The following GLIS3 variants were observed in gnomAD, a reference collection of about 807,000 sequenced individuals.
GLIS3 encodes GLIS family zinc finger 3.
A neutral mutation model predicts 78.6 loss-of-function variants in GLIS3; 53 were observed. The ratio of observed to expected loss-of-function variants is 0.67; its 90% CI spans 0.54 to 0.85. GLIS3 has a LOEUF of 0.85. Among genes scored for constraint, GLIS3 ranks in the 40% least tolerant of loss-of-function variants. The pLI is 0.00. For missense variants in GLIS3, 1,703 were observed against 1,231.1 expected, an observed-to-expected ratio of 1.38 and a Z score of -5.74; for synonymous variants, 684 against 509.9, an observed-to-expected ratio of 1.34 and a Z score of -4.60.
At chr9:4,400,058 C>A in the GLIS3 span, among the ~76,000 whole-genome samples, 1 of 152,136 alleles carries the variant, frequency 6.6e-6, no homozygotes, top group Non-Finnish European at 1.5e-5. Flanking sequence ...TTATGAAGAA[C>A]CTTGGAAGCC....
At chr9:4,049,095 C>T (rs981539439) in intron 4 of GLIS3, among the ~76,000 whole-genome samples, 2 of 152,132 alleles carry the variant, frequency 1.3e-5, no homozygotes, top group African/African-American at 4.8e-5. Flanking sequence ...GATGTCTGAG[C>T]AAACTATCAC....
chr9:4,484,029 T>TTTG, the GLIS3 span, among the ~76,000 whole-genome samples: 6 of 152,102 alleles, frequency 3.9e-5, no homozygotes, highest in African/African-American at 7.2e-5. Context: ...TGTGTTTGCT[T>TTTG]TTGTTGTTGT....
At chr9:4,388,261 T>A in the GLIS3 span, among the ~76,000 whole-genome samples, 6 of 151,876 alleles carry the variant, frequency 4.0e-5, no homozygotes, top group African/African-American at 1.5e-4. Flanking sequence ...AAGATAAGAG[T>A]TTCATGATAA....
intron 4 of GLIS3, among the ~76,000 whole-genome samples, chr9:4,093,945 A>G (rs1176533230): frequency 1.3e-5 from 2 of 152,188 alleles, no homozygotes; most frequent in Non-Finnish European, 2.9e-5. Flanking sequence ...TCAACTGTGT[A>G]TTGAATCGAT....
At chr9:3,883,830 T>G (rs1238329722) in intron 7 of GLIS3, among the ~76,000 whole-genome samples, 2 of 152,210 alleles carry the variant, frequency 1.3e-5, no homozygotes, top group African/African-American at 4.8e-5. Context: ...AAATTCTTAT[T>G]GCTTTTGTGA....
chr9:4,236,735 G>C (rs1271494755), intron 2 of GLIS3, among the ~76,000 whole-genome samples: 1 of 152,128 alleles, frequency 6.6e-6, no homozygotes, highest in South Asian at 2.1e-4. Flanking sequence ...TTTAGGTGCT[G>C]TTTACATAAA....
At chr9:4,214,211 T>C (rs1195013812) in intron 2 of GLIS3, among the ~76,000 whole-genome samples, 1 of 152,234 alleles carries the variant, frequency 6.6e-6, no homozygotes, top group Non-Finnish European at 1.5e-5. Context: ...TTCTGCTCTC[T>C]GATCATCTTG....
chr9:4,202,463 T>G (rs1431936998), intron 2 of GLIS3, among the ~76,000 whole-genome samples: 4 of 150,350 alleles, frequency 2.7e-5, no homozygotes, highest in African/African-American at 9.8e-5. Flanking sequence ...AAAATAAAAA[T>G]AAATAAATAA....
intron 4 of GLIS3, among the ~76,000 whole-genome samples, chr9:4,084,280 C>CACACACACACACACAG (rs1828820057): frequency 7.2e-6 from 1 of 138,230 alleles, no homozygotes; most frequent in Non-Finnish European, 1.6e-5. Flanking sequence ...CACACACACA[C>CACACACACACACACAG]ACACACACAC....
At chr9:3,958,998 T>C (rs1337278178) in intron 4 of GLIS3, among the ~76,000 whole-genome samples, 2 of 152,228 alleles carry the variant, frequency 1.3e-5, no homozygotes, top group Non-Finnish European at 2.9e-5. Flanking sequence ...GGCTCTATGC[T>C]TTACTTGCCA....
At chr9:4,462,979 T>C in the GLIS3 span, among the ~76,000 whole-genome samples, 1 of 152,168 alleles carries the variant, frequency 6.6e-6, no homozygotes, top group South Asian at 2.1e-4. Context: ...ATTTAACCAT[T>C]CTCTGGGGGA....
intron 6 of GLIS3, among the ~76,000 whole-genome samples, chr9:3,909,114 G>A (rs1427149008): frequency 6.6e-6 from 1 of 152,210 alleles, no homozygotes; most frequent in Non-Finnish European, 1.5e-5. Flanking sequence ...AACGAAGCCA[G>A]AAGGAAAGAC....
intron 4 of GLIS3, chr9:4,071,433 A>C (rs1827602105): frequency 6.6e-6 from 1 of 152,204 alleles, no homozygotes; most frequent in Non-Finnish European, 1.5e-5. Flanking sequence ...CAAACTAAAC[A>C]CTAACTTTGC....
intron 2 of GLIS3, among the ~76,000 whole-genome samples, chr9:4,159,206 C>T (rs17210492): frequency 0.25 from 37,699 of 151,928 alleles, 4,871 homozygotes; most frequent in South Asian, 0.35. Context: ...ATATATGATT[C>T]TCATGGTTAA....
intron 4 of GLIS3, among the ~76,000 whole-genome samples, chr9:3,945,728 G>A (rs1307803907): frequency 6.6e-6 from 1 of 152,170 alleles, no homozygotes; most frequent in Non-Finnish European, 1.5e-5. Flanking sequence ...TTCTCCAAAT[G>A]ATCTGCCTCG....
intron 2 of GLIS3, among the ~76,000 whole-genome samples, chr9:4,154,918 G>A (rs543579037): frequency 4.6e-5 from 7 of 152,228 alleles, no homozygotes; most frequent in African/African-American, 9.6e-5. Flanking sequence ...TACACTTTCC[G>A]TATACATAAA....
chr9:4,401,682 C>G, the GLIS3 span, among the ~76,000 whole-genome samples: 1 of 152,080 alleles, frequency 6.6e-6, no homozygotes, highest in African/African-American at 2.4e-5. Context: ...ATTCTCATGC[C>G]TCAGCCTCAA....
intron 2 of GLIS3, among the ~76,000 whole-genome samples, chr9:4,239,426 C>G (rs1823088693): frequency 6.6e-6 from 1 of 151,564 alleles, no homozygotes; most frequent in East Asian, 1.9e-4. Context: ...TATTCGTATT[C>G]CAATGAACGA....
At chr9:4,402,236 T>C in the GLIS3 span, among the ~76,000 whole-genome samples, 106 of 152,294 alleles carry the variant, frequency 7.0e-4, no homozygotes, top group Middle Eastern at 3.4e-3. Context: ...AGAAAATTCT[T>C]CCAAATCTCA....
Sources: allele counts gnomAD v4.1 joint callset (sites outside exome capture counted in the v4.1 genomes callset), GRCh38; gene constraint gnomAD v4.1.1; transcripts MANE v1.5; gene names NCBI Gene and HGNC (gene_info 2026-07-23, HGNC 2026-07-21).